The following RPS17 variants were observed in gnomAD, a reference collection of about 807,000 sequenced individuals.
The protein encoded by RPS17 is small ribosomal subunit protein eS17.
For synonymous variants in RPS17, 75 were observed against 65.6 expected (o/e 1.14, Z -0.70); for missense variants, 68 against 182.3 (o/e 0.37, Z 3.61).
At chr15:82,539,516 T>C (rs2150888294) in intron 2 of RPS17, 1 of 454,548 alleles carries the variant, frequency 2.2e-6, no homozygotes, top group South Asian at 1.6e-5. Context: ...TGTGAAACCC[T>C]GTTGTCTACT....
chr15:82,538,478 G>C, intron 3 of RPS17, 107 bp from the exon 4 acceptor site: 1 of 1,244,086 alleles, frequency 8.0e-7, no homozygotes, highest in East Asian at 2.4e-5. Flanking sequence ...AGCTGCACAA[G>C]GATAGCATTC....
chr15:82,538,346 A>G lies in RPS17; in HGVS notation c.287T>C (p.Ile96Thr). ...TTCCTTAGTGTCAGGATCTACTTCA[A>G]TAATCTCCTGATCCAAGGCTGAGAC... ...PEVSALDQEIIEVDPDTKEML... is the reference protein window; with the variant it reads ...PEVSALDQEITEVDPDTKEML... The change falls in exon 4 of 5, where the codon ATT (isoleucine) becomes ACT (threonine). Residue 96 changes from isoleucine (I) to threonine (T), a missense_variant. By Grantham distance (89) the Ile-to-Thr change is moderately conservative (BLOSUM62 -1). Coordinates refer to ENST00000647841, the MANE Select transcript of RPS17 (RefSeq NM_001021.6). 6.2e-7 allele frequency: 1 copy of G among 1,612,754 alleles called. No homozygotes were observed.
chr15:82,538,458 G>A, intron 3 of RPS17, 87 bp from the exon 4 acceptor site: 2 of 1,437,246 alleles, frequency 1.4e-6, no homozygotes, highest in Non-Finnish European at 2.0e-6. Flanking sequence ...TCTTAAATAT[G>A]GGGAAGAGGA....
chr15:82,538,745 T>TA (rs1229737684), intron 3 of RPS17, 135 bp downstream of exon 3: 1 of 931,470 alleles, frequency 1.1e-6, no homozygotes, highest in Non-Finnish European at 1.8e-6. Flanking sequence ...GTAGGGGGCC[T>TA]ATGGGCACCC....
chr15:82,538,384 G>C lies in RPS17; in HGVS notation c.262-13C>G. The C allele has an allele frequency of 6.2e-7, 1 of 1,611,658 alleles. No homozygotes were observed. Among genetic ancestry groups the C allele is most frequent in the African/African-American group, 1.3e-5 (1 of 74,956 alleles). ...CCAAGGCTGAGACCTACAAGGAAACGAGGTAGGGTCAAAATACCAATCAAT... is the reference window on the plus strand; with the variant it reads ...CCAAGGCTGAGACCTACAAGGAAACCAGGTAGGGTCAAAATACCAATCAAT... On this transcript the variant is annotated splice_polypyrimidine_tract_variant and intron_variant, in intron 3 of 4. Coordinates refer to ENST00000647841, the MANE Select transcript of RPS17 (RefSeq NM_001021.6).
chr15:82,540,319 G>GTTGC, intron 1 of RPS17, 107 bp downstream of exon 1: 1 of 1,581,758 alleles, frequency 6.3e-7, no homozygotes, highest in Non-Finnish European at 8.6e-7. Flanking sequence ...AGCCTGACAG[G>GTTGC]GCTCTGCGCC....
chr15:82,538,122 G>T, intron 4 of RPS17, 184 bp downstream of exon 4: 1 of 667,200 alleles, frequency 1.5e-6, no homozygotes. Flanking sequence ...TGATCTTGTG[G>T]CGAACTAACT....
chr15:82,539,366 G>C, intron 2 of RPS17: 1 of 468,930 alleles, frequency 2.1e-6, no homozygotes, highest in Admixed American at 2.3e-5. Context: ...CTCTCGAACA[G>C]TAACTGCAAC....
intron 2 of RPS17, chr15:82,539,640 G>A: frequency 7.0e-6 from 3 of 426,216 alleles, no homozygotes; most frequent in Non-Finnish European, 4.4e-6. Flanking sequence ...AGTGAGCCGA[G>A]ATGGCGCCAC....
Position 82,540,420 on chromosome 15 carries a change from A to G in RPS17, c.3+6T>C. ...GAGGATGGCGGCCTCGAGCCAAAAC[A>G]CCTACCATGTTGGCGGGTCCTTGGT... On this transcript the variant is annotated splice_donor_region_variant and intron_variant, in intron 1 of 4. Transcript: ENST00000647841. 2 of 1,595,940 alleles carry G rather than the reference A, an allele frequency of 1.3e-6. No homozygotes were observed. Among genetic ancestry groups the G allele is most frequent in the South Asian group, 2.3e-5 (2 of 87,952 alleles).
At chr15:82,539,690 AAAAAAAAAG>A (rs1391878641) in intron 2 of RPS17, 20 of 516,022 alleles carry the variant, frequency 3.9e-5, no homozygotes, top group African/African-American at 3.7e-4. Context: ...TTCCGTCTCA[AAAAAAAAAG>A]AAAAAAAAGA....
chr15:82,540,190 C>T, intron 1 of RPS17, 58 bp from the exon 2 acceptor site: 2 of 1,613,022 alleles, frequency 1.2e-6, no homozygotes, highest in Middle Eastern at 1.8e-4. Flanking sequence ...GGGAAGAGTG[C>T]GGCGCCGAGC....
intron 4 of RPS17, chr15:82,537,113 C>G: frequency 1.6e-6 from 1 of 619,148 alleles, no homozygotes. Context: ...ATGACTTTTA[C>G]CCAATGTACC....
chr15:82,537,513 A>G, intron 4 of RPS17: 1 of 308,828 alleles, frequency 3.2e-6, no homozygotes, highest in Non-Finnish European at 6.2e-6. Context: ...CTGCCCTCAA[A>G]CAAGTTCAGG....
intron 2 of RPS17, 83 bp downstream of exon 2, chr15:82,539,898 G>A (rs1271115720): frequency 1.9e-6 from 3 of 1,604,160 alleles, no homozygotes; most frequent in East Asian, 4.5e-5. Flanking sequence ...AACCACCAAG[G>A]CACCGTCTCT....
At chr15:82,537,315 G>A (rs1207116425) in intron 4 of RPS17, 3 of 292,208 alleles carry the variant, frequency 1.0e-5, no homozygotes, top group Non-Finnish European at 2.0e-5. Flanking sequence ...CTGGCTATGA[G>A]AACGAAAAAT....
chr15:82,539,480 G>A (rs1213235692), intron 2 of RPS17: 3 of 458,514 alleles, frequency 6.5e-6, no homozygotes, highest in Non-Finnish European at 1.3e-5. Flanking sequence ...TTGAGGTCAG[G>A]TGTTCGAGAC....
intron 2 of RPS17, 167 bp from the exon 3 acceptor site, chr15:82,539,152 G>T: frequency 1.3e-6 from 1 of 741,504 alleles, no homozygotes; most frequent in South Asian, 1.4e-5. Flanking sequence ...CCACTGGCCT[G>T]AGCATTCCTT....
rs1008996512 is a variant in RPS17, at chr15:82,536,819, C to G, written c.390G>C (p.Thr130=). The G allele has an allele frequency of 6.2e-7, 1 of 1,613,836 alleles. No homozygotes were observed. Among genetic ancestry groups the G allele is most frequent in the Non-Finnish European group, 8.5e-7 (1 of 1,179,870 alleles). ...TQPTVGMNFK[T]PRGPV ...AAAAAATTCAAACAGGTCCCCGAGG[C>G]GTTTTGAAATTCATCCCAACTGTAG... is the stretch of plus-strand genomic sequence containing the variant. Residue 130 remains threonine (T), a synonymous_variant, in exon 5 of 5, where the codon ACG becomes ACC. Coordinates refer to ENST00000647841, the MANE Select transcript of RPS17 (RefSeq NM_001021.6).
Sources: gnomAD v4.1 joint callset for allele counts on GRCh38, gnomAD v4.1.1 for gene constraint, MANE v1.5 for transcripts, NCBI Gene and HGNC (gene_info 2026-07-23, HGNC 2026-07-21) for gene names.